CCDC158: variants seen among roughly 807,000 people sequenced by gnomAD.
CCDC158 encodes the protein coiled-coil domain containing 158, also known as coiled-coil domain-containing protein 158.
A neutral mutation model predicts 138.6 loss-of-function variants in CCDC158; 116 were observed. That is an observed-to-expected ratio of 0.84 (90% CI 0.72 to 0.98). The LOEUF (loss-of-function observed/expected upper bound fraction) is 0.98. CCDC158 is among the 50% of genes least tolerant of loss of function. CCDC158 has a pLI of 0.00. For synonymous variants in CCDC158, 436 were observed against 442.4 expected (o/e 0.99, Z 0.18); for missense variants, 1,265 against 1,306.1 (o/e 0.97, Z 0.48).
At chr4:76,403,088 T>C (rs1186783497) in intron 3 of CCDC158, 50 bp downstream of exon 3, 2 of 1,296,476 alleles carry the variant, frequency 1.5e-6, no homozygotes, top group Non-Finnish European at 2.2e-6. Flanking sequence ...TGAATGAATA[T>C]CATGGTTAAT....
At chr4:76,319,559 T>C (rs1260678040) in intron 24 of CCDC158, among the ~76,000 whole-genome samples, 1 of 130,180 alleles carries the variant, frequency 7.7e-6, no homozygotes, top group African/African-American at 2.9e-5. Context: ...ATTAGCTAAC[T>C]GAATCCAACA....
intron 16 of CCDC158, 44 bp downstream of exon 16, chr4:76,353,079 A>G: frequency 6.7e-7 from 1 of 1,489,364 alleles, no homozygotes. Flanking sequence ...TTGGTTAATA[A>G]CTATTTAGTT....
At chr4:76,365,582 C>G (rs966061783) in intron 12 of CCDC158, among the ~76,000 whole-genome samples, 2 of 152,200 alleles carry the variant, frequency 1.3e-5, no homozygotes, top group African/African-American at 4.8e-5. Context: ...GACTAGGCTT[C>G]TTCCCGGGCT....
At position 76,328,841 on chromosome 4, in the gene CCDC158, C is replaced by T. The variant is rs568927535; in HGVS notation, c.3010+59G>A. The T allele has an allele frequency of 3.2e-5, 45 of 1,403,032 alleles. No individual in the cohort carries two copies. In the African/African-American group the frequency reaches 4.2e-4, roughly 13 times the overall value. The allele number at this position is 1,403,032 out of a possible 1,614,324, so 86.9% of individuals were successfully genotyped here. ...ATACTGCAATGACTTTGGCTTTTACCCTCGTGGAAATGGGGAGACATTGTA... is the reference window on the plus strand; with the variant it reads ...ATACTGCAATGACTTTGGCTTTTACTCTCGTGGAAATGGGGAGACATTGTA... On this transcript the variant is annotated intron_variant, in intron 22 of 24. Coordinates refer to ENST00000682701, the MANE Select transcript of CCDC158 (RefSeq NM_001394954.1).
At chr4:76,320,963 A>G (rs1027793443) in intron 24 of CCDC158, among the ~76,000 whole-genome samples, 3 of 152,266 alleles carry the variant, frequency 2.0e-5, no homozygotes, top group African/African-American at 7.2e-5. Flanking sequence ...TAAGCAGCAG[A>G]GTAAACAGAC....
At chr4:76,409,315 T>C (rs1729100492) in intron 2 of CCDC158, among the ~76,000 whole-genome samples, 3 of 150,576 alleles carry the variant, frequency 2.0e-5, no homozygotes, top group South Asian at 4.2e-4. Context: ...AAAAGCAAGG[T>C]TTTTTGCTTC....
At chr4:76,414,806 G>A (rs1448752002) in intron 1 of CCDC158, among the ~76,000 whole-genome samples, 2 of 152,228 alleles carry the variant, frequency 1.3e-5, no homozygotes, top group African/African-American at 4.8e-5. Context: ...CCCCAGCCGT[G>A]TGGAACTGTA....
intron 2 of CCDC158, among the ~76,000 whole-genome samples, chr4:76,405,720 G>A (rs920366469): frequency 1.3e-5 from 2 of 151,992 alleles, no homozygotes; most frequent in Non-Finnish European, 2.9e-5. Flanking sequence ...GACTTAAAAT[G>A]GAATAGACAG....
intron 2 of CCDC158, among the ~76,000 whole-genome samples, chr4:76,411,728 T>C (rs1297094016): frequency 6.6e-6 from 1 of 152,228 alleles, no homozygotes; most frequent in Non-Finnish European, 1.5e-5. Flanking sequence ...GACCTTTTCA[T>C]ATCTCTGAGT....
rs369022560 is a variant in CCDC158, at chr4:76,355,349, T to C, written c.2261A>G (p.Glu754Gly). The C allele has an allele frequency of 3.1e-6, 5 of 1,613,778 alleles. No individual in the cohort carries two copies. Among genetic ancestry groups the C allele is most frequent in the Non-Finnish European group, 4.2e-6 (5 of 1,179,848 alleles). Residue 754 changes from glutamate to glycine, a missense_variant, in exon 15 of 25, where the codon GAA becomes GGA. Coordinates refer to ENST00000682701, the MANE Select transcript of CCDC158 (RefSeq NM_001394954.1). ...DALQSKIQFL[E>G]EAMTNANKEK... Reference sequence around the variant, plus strand: ...CTTATTTGCATTTGTCATTGCCTCTTCCAAAAACTGTATCTTGCTCTGAAG... The same window carrying C: ...CTTATTTGCATTTGTCATTGCCTCTCCCAAAAACTGTATCTTGCTCTGAAG...
intron 4 of CCDC158, among the ~76,000 whole-genome samples, chr4:76,392,948 G>A (rs1727444058): frequency 6.6e-6 from 1 of 151,844 alleles, no homozygotes; most frequent in Admixed American, 6.6e-5. Context: ...CCTCAACAAT[G>A]AAAACTATAA....
intron 3 of CCDC158, among the ~76,000 whole-genome samples, chr4:76,398,263 C>G (rs1258235854): frequency 6.6e-6 from 1 of 152,084 alleles, no homozygotes; most frequent in Non-Finnish European, 1.5e-5. Flanking sequence ...AGGATATTCA[C>G]AAGGTTTCAA....
intron 1 of CCDC158, among the ~76,000 whole-genome samples, chr4:76,417,370 CTT>C (rs200740299): frequency 0.03 from 4,577 of 152,226 alleles, 106 homozygotes; most frequent in Non-Finnish European, 0.047. Context: ...GGACTGAAGA[CTT>C]TTGCATTAAT....
At chr4:76,392,740 TA>T (rs781508651) in intron 4 of CCDC158, among the ~76,000 whole-genome samples, 3 of 151,918 alleles carry the variant, frequency 2.0e-5, no homozygotes, top group Non-Finnish European at 2.9e-5. Flanking sequence ...TGGAAAAACC[TA>T]AAGACTCCAC....
rs1729470658 is a variant in CCDC158, at chr4:76,413,629, C to T, written c.-116-1497G>A. Among the ~76,000 whole-genome samples the T allele has an allele frequency of 2.0e-5, 3 of 152,182 alleles. 1 individual carries two copies. In the South Asian group the frequency reaches 6.2e-4, roughly 32 times the overall value. On this transcript the variant is annotated intron_variant, in intron 1 of 24. Transcript: ENST00000682701. ...CCCTGAATATATATGTGGAGGGCTT[C>T]CTTGAGAGGTGTTGAAGATAAGAAT...
intron 15 of CCDC158, 36 bp from the exon 16 acceptor site, chr4:76,353,317 CT>C: frequency 6.6e-7 from 1 of 1,505,694 alleles, no homozygotes; most frequent in Non-Finnish European, 9.1e-7. Context: ...CAGAAATAAC[CT>C]GTTGATGTAG....
At chr4:76,402,622 C>T (rs1241686151) in intron 3 of CCDC158, among the ~76,000 whole-genome samples, 5 of 95,320 alleles carry the variant, frequency 5.2e-5, no homozygotes, top group Non-Finnish European at 7.5e-5. Flanking sequence ...CTATTTATTC[C>T]ATCTGTGTCT....
At chr4:76,387,514 C>A (rs1726912987) in intron 4 of CCDC158, among the ~76,000 whole-genome samples, 3 of 151,940 alleles carry the variant, frequency 2.0e-5, no homozygotes, top group Non-Finnish European at 2.9e-5. Context: ...TGGTGAAACC[C>A]TGTCTCTACT....
intron 21 of CCDC158, 67 bp downstream of exon 21, chr4:76,331,277 A>G (rs1289240705): frequency 1.5e-6 from 2 of 1,372,378 alleles, no homozygotes; most frequent in Non-Finnish European, 2.1e-6. Flanking sequence ...ACAGTTAAAG[A>G]TCTTTTGAAT....
Sources: allele counts gnomAD v4.1 joint callset (sites outside exome capture counted in the v4.1 genomes callset), GRCh38; gene constraint gnomAD v4.1.1; transcripts MANE v1.5; gene names NCBI Gene and HGNC (gene_info 2026-07-23, HGNC 2026-07-21).